Variants in DPYD observed in about 807,000 individuals in gnomAD.
DPYD encodes the protein dihydropyrimidine dehydrogenase [NADP(+)].
In DPYD, 109 loss-of-function variants were observed where a neutral mutation model predicts 116.2. That is an observed-to-expected ratio of 0.94 (90% CI 0.80 to 1.10). The LOEUF is 1.10. Among genes scored for constraint, DPYD ranks in the 50% least tolerant of loss-of-function variants. The probability of loss-of-function intolerance (pLI) is 0.00; values close to 1 mark genes in which losing one functional copy is unlikely to be tolerated. For missense variants in DPYD, 1,302 were observed against 1,254.5 expected, an observed-to-expected ratio of 1.04 and a Z score of -0.57; for synonymous variants, 440 against 432.0, an observed-to-expected ratio of 1.02 and a Z score of -0.23.
chr1:97,343,432 T>A (rs757335548), intron 16 of DPYD, among the ~76,000 whole-genome samples: 8 of 152,094 alleles, frequency 5.3e-5, no homozygotes, highest in Non-Finnish European at 1.0e-4. Flanking sequence ...TGCCTTTTGC[T>A]AAAAGTAATA....
At chr1:97,171,991 T>G (rs1346121908) in intron 20 of DPYD, among the ~76,000 whole-genome samples, 1 of 152,136 alleles carries the variant, frequency 6.6e-6, no homozygotes, top group African/African-American at 2.4e-5. Context: ...AACAAAGGGA[T>G]CTTGATGTGG....
chr1:97,113,834 C>T (rs192018213), intron 20 of DPYD, among the ~76,000 whole-genome samples: 1 of 152,120 alleles, frequency 6.6e-6, no homozygotes, highest in East Asian at 1.9e-4. Flanking sequence ...TCACATTCAG[C>T]ATCTGGTAAC....
intron 16 of DPYD, among the ~76,000 whole-genome samples, chr1:97,365,859 C>T: frequency 6.6e-6 from 1 of 152,134 alleles, no homozygotes; most frequent in Non-Finnish European, 1.5e-5. Flanking sequence ...GTCTCAAACT[C>T]CTTAGCTCAA....
chr1:97,705,407 G>A (rs550824462), intron 5 of DPYD, among the ~76,000 whole-genome samples: 1 of 152,000 alleles, frequency 6.6e-6, no homozygotes, highest in Non-Finnish European at 1.5e-5. Flanking sequence ...CCTTGCGATA[G>A]TTTGCTGAAA....
intron 20 of DPYD, among the ~76,000 whole-genome samples, chr1:97,151,181 G>T (rs1470644870): frequency 6.6e-6 from 1 of 152,090 alleles, no homozygotes; most frequent in Non-Finnish European, 1.5e-5. Flanking sequence ...TAAAACTGTA[G>T]AAACATTAAA....
At chr1:97,785,066 A>G (rs1347647639) in intron 3 of DPYD, among the ~76,000 whole-genome samples, 2 of 152,190 alleles carry the variant, frequency 1.3e-5, no homozygotes, top group Non-Finnish European at 2.9e-5. Context: ...TTGCTGTCTA[A>G]TGAAAATTAT....
At chr1:97,438,450 T>G (rs1675585990) in intron 14 of DPYD, among the ~76,000 whole-genome samples, 1 of 152,102 alleles carries the variant, frequency 6.6e-6, no homozygotes, top group African/African-American at 2.4e-5. Context: ...GTCAGATTTA[T>G]CTGTATTTCA....
intron 5 of DPYD, among the ~76,000 whole-genome samples, chr1:97,705,280 C>T (rs555457719): frequency 1.3e-4 from 20 of 152,144 alleles, no homozygotes; most frequent in Non-Finnish European, 1.9e-4. Context: ...TATCCCTCCC[C>T]GCTCCCCCCA....
chr1:97,431,621 G>A (rs1306186353), intron 14 of DPYD, among the ~76,000 whole-genome samples: 1 of 151,932 alleles, frequency 6.6e-6, no homozygotes, highest in African/African-American at 2.4e-5. Context: ...ATGATATTTT[G>A]ATACAAGCAT....
intron 13 of DPYD, among the ~76,000 whole-genome samples, chr1:97,460,764 C>T (rs184316732): frequency 1.3e-5 from 2 of 152,140 alleles, no homozygotes; most frequent in Admixed American, 1.3e-4. Flanking sequence ...CACGGCCAGG[C>T]ACGGTGGCTC....
intron 8 of DPYD, among the ~76,000 whole-genome samples, chr1:97,659,694 T>C (rs898216724): frequency 6.6e-6 from 1 of 152,186 alleles, no homozygotes; most frequent in Non-Finnish European, 1.5e-5. Context: ...ATTCATGTAA[T>C]GCTGTGAAGT....
chr1:97,829,352 G>C (rs1341046882), intron 2 of DPYD, among the ~76,000 whole-genome samples: 2 of 151,944 alleles, frequency 1.3e-5, no homozygotes, highest in Non-Finnish European at 2.9e-5. Flanking sequence ...TTAAGGCAAA[G>C]ATCCTTTTAA....
intron 20 of DPYD, among the ~76,000 whole-genome samples, chr1:97,166,920 T>A (rs1656367988): frequency 6.6e-6 from 1 of 152,206 alleles, no homozygotes; most frequent in Non-Finnish European, 1.5e-5. Flanking sequence ...TACCATATTA[T>A]TTGAGCATTT....
intron 6 of DPYD, among the ~76,000 whole-genome samples, chr1:97,698,388 GTTGT>G (rs1210167281): frequency 3.3e-5 from 5 of 151,632 alleles, no homozygotes; most frequent in African/African-American, 9.7e-5. Context: ...TTAGCATATT[GTTGT>G]TTGAGTAATA....
chr1:97,788,130 C>T (rs1334300646), intron 3 of DPYD, among the ~76,000 whole-genome samples: 2 of 152,058 alleles, frequency 1.3e-5, no homozygotes, highest in Non-Finnish European at 1.5e-5. Flanking sequence ...ATGTGCAGGA[C>T]GTGGGGCAGC....
At chr1:97,303,821 A>G (rs372239215) in intron 18 of DPYD, among the ~76,000 whole-genome samples, 1 of 152,006 alleles carries the variant, frequency 6.6e-6, no homozygotes, top group Admixed American at 6.6e-5. Flanking sequence ...AGCCCAAGTG[A>G]ATATTTATAT....
At chr1:97,634,629 A>G (rs186525816) in intron 8 of DPYD, among the ~76,000 whole-genome samples, 1 of 152,234 alleles carries the variant, frequency 6.6e-6, no homozygotes, top group Admixed American at 6.6e-5. Flanking sequence ...AAAGCCATGA[A>G]TAAGTAGGTG....
intron 20 of DPYD, among the ~76,000 whole-genome samples, chr1:97,149,520 T>C (rs1171712255): frequency 1.3e-5 from 2 of 152,324 alleles, no homozygotes; most frequent in East Asian, 1.9e-4. Flanking sequence ...CCCAAAGTGC[T>C]AGGATTACAA....
rs965961640 is a variant in DPYD, at chr1:97,836,644, GA to G, written c.151-8449del. Among the ~76,000 whole-genome samples the G allele has an allele frequency of 8.7e-5, 13 of 149,712 alleles. No homozygotes were observed. In the South Asian group the frequency reaches 1.3e-3, roughly 15 times the overall value. On this transcript the variant is annotated intron_variant, in intron 2 of 22. Transcript: ENST00000370192. ...TTAAGCTACCTCAATTCTCTGATTG[GA>G]AAAAAAAACCTTGAGATCACAATGG...
Sources: allele counts gnomAD v4.1 joint callset (sites outside exome capture counted in the v4.1 genomes callset), GRCh38; gene constraint gnomAD v4.1.1; transcripts MANE v1.5; gene names NCBI Gene and HGNC (gene_info 2026-07-23, HGNC 2026-07-21).